MUS81: variants seen among roughly 807,000 people sequenced by gnomAD.
The protein encoded by MUS81 is structure-specific endonuclease subunit MUS81.
In MUS81, 69 loss-of-function variants were observed where a neutral mutation model predicts 74.2. The ratio of observed to expected loss-of-function variants is 0.93; its 90% CI spans 0.77 to 1.14. The LOEUF is 1.14. MUS81 is among the 50% of genes most tolerant of loss of function. The pLI is 0.00. For missense variants in MUS81, 711 were observed against 726.5 expected (o/e 0.98, Z 0.25); for synonymous variants, 303 against 300.6 (o/e 1.01, Z -0.08).
chr11:65,863,337 G>T, intron 7 of MUS81, 73 bp from the exon 8 acceptor site: 1 of 1,595,888 alleles, frequency 6.3e-7, no homozygotes, highest in South Asian at 1.1e-5. Context: ...GGTGGGTGTC[G>T]GGTGGCATGG....
Position 65,860,768 on chromosome 11 carries a change from C to T in MUS81, c.15C>T (p.Val5=), listed in dbSNP as rs749761660. The T allele has an allele frequency of 2.4e-5, 37 of 1,534,924 alleles. No individual in the cohort carries two copies. The East Asian group carries it at 8.6e-4, about 36-fold the overall frequency. The change falls in exon 1 of 16, where the codon GTC becomes GTT. Residue 5 remains valine, a synonymous_variant. Coordinates refer to ENST00000308110, the MANE Select transcript of MUS81 (RefSeq NM_025128.5). ...CCCTCGGGCTCATGGCGGCCCCGGT[C>T]CGCCTGGGCCGGAAGCGCCCGCTGC... MAAP[V]RLGRKRPLPA... is the part of the protein sequence containing the mutation.
At chr11:65,867,238 G>A, downstream of MUS81, 1 of 775,792 alleles carries the variant, frequency 1.3e-6, no homozygotes, top group Non-Finnish European at 2.1e-6. Flanking sequence ...CACCCTCGAT[G>A]TCTCTCCTCC....
chr11:65,865,445 A>G, intron 14 of MUS81, 122 bp downstream of exon 14: 1 of 1,048,104 alleles, frequency 9.5e-7, no homozygotes, highest in Non-Finnish European at 1.4e-6. Context: ...AGAGATAGAC[A>G]GATCCCAGGG....
chr11:65,864,924 T>C, intron 12 of MUS81, 93 bp from the exon 13 acceptor site: 1 of 1,584,016 alleles, frequency 6.3e-7, no homozygotes, highest in Non-Finnish European at 8.6e-7. Flanking sequence ...TCCCCATTTC[T>C]CAGGCTGGCC....
chr11:65,862,651 G>C, intron 6 of MUS81, 122 bp downstream of exon 6: 1 of 922,808 alleles, frequency 1.1e-6, no homozygotes, highest in Non-Finnish European at 1.7e-6. Flanking sequence ...CTTTCCTCAG[G>C]AGCCCCCACT....
In MUS81 at chr11:65,861,115, G is replaced by T; in HGVS notation, c.265+13G>T. 1 of 1,612,096 alleles carries T rather than the reference G, an allele frequency of 6.2e-7. No homozygotes were observed. The highest frequency in any genetic ancestry group is 8.5e-7 in the Non-Finnish European group (1 of 1,179,862). ...CGAACATCGGGCGGTGAGCGCCTCG[G>T]AAAGGGGTCGGTGATCCCCCACCTC... On this transcript the variant is annotated intron_variant, in intron 2 of 15. Coordinates refer to ENST00000308110, the MANE Select transcript of MUS81 (RefSeq NM_025128.5).
intron 6 of MUS81, 90 bp downstream of exon 6, chr11:65,862,619 G>A (rs1424022593): frequency 4.1e-6 from 5 of 1,233,186 alleles, no homozygotes; most frequent in Admixed American, 1.9e-5. Flanking sequence ...AGCTGATGCT[G>A]TTGAGATTGG....
chr11:65,864,462 C>CT, intron 10 of MUS81, 35 bp from the exon 11 acceptor site: 1 of 1,576,088 alleles, frequency 6.3e-7, no homozygotes, highest in Non-Finnish European at 8.7e-7. Flanking sequence ...GTCATCCAGC[C>CT]TGACCCTCCC....
intron 5 of MUS81, 46 bp downstream of exon 5, chr11:65,862,325 C>T (rs1298794574): frequency 5.0e-6 from 8 of 1,605,468 alleles, no homozygotes; most frequent in Admixed American, 1.7e-5. Flanking sequence ...GCTCTGGGGC[C>T]CACCAAAGAC....
chr11:65,863,844 C>T lies in MUS81; in HGVS notation c.1002C>T (p.Arg334=). The T allele has an allele frequency of 6.2e-7, 1 of 1,614,172 alleles. No individual in the cohort carries two copies. Among genetic ancestry groups the T allele is most frequent in the Non-Finnish European group, 8.5e-7 (1 of 1,180,024 alleles). ...TGGTACTGGATCACATTGTGGAGCGCAAGCGACTGGATGACCTTTGCAGCA... is the reference window on the plus strand; with the variant it reads ...TGGTACTGGATCACATTGTGGAGCGTAAGCGACTGGATGACCTTTGCAGCA... ...GELVLDHIVE[R]KRLDDLCSSI... Residue 334 remains arginine (R), a synonymous_variant, in exon 10 of 16, where the codon CGC becomes CGT. Coordinates refer to ENST00000308110, the MANE Select transcript of MUS81 (RefSeq NM_025128.5).
In MUS81 at chr11:65,863,778, C is replaced by T. The variant is rs769860105; in HGVS notation, c.962-26C>T. On this transcript the variant is annotated intron_variant, in intron 9 of 15. Coordinates refer to ENST00000308110, the MANE Select transcript of MUS81 (RefSeq NM_025128.5). The stretch of plus-strand genomic sequence containing the variant: ...GCAGGGCCTGGTGGGTAGGGGATCG[C>T]AAGCTAACGGCTGGCTTGTCAGCAG... 4 of 1,614,150 alleles carry T rather than the reference C, an allele frequency of 2.5e-6. No individual in the cohort carries two copies. The South Asian group carries it at 4.4e-5, about 18-fold the overall frequency.
rs772281103 is a variant in MUS81 at position 65,862,497 on chromosome 11, G to A, written c.573G>A (p.Arg191=). The A allele has an allele frequency of 3.1e-6, 5 of 1,613,748 alleles. No individual in the cohort carries two copies. The highest frequency in any genetic ancestry group is 1.7e-5 in the Admixed American group (1 of 60,026). ...PWPALRSLLH[R]NLVLRTHQPA... Reference sequence around the variant, plus strand: ...CAGCCCTCCGCTCCCTCCTTCACAGGAACCTGGTCCTCAGGACACACCAGC... The same window carrying A: ...CAGCCCTCCGCTCCCTCCTTCACAGAAACCTGGTCCTCAGGACACACCAGC... Residue 191 remains arginine, a synonymous_variant, in exon 6 of 16, where the codon AGG becomes AGA. Coordinates refer to ENST00000308110, the MANE Select transcript of MUS81 (RefSeq NM_025128.5).
Position 65,864,776 on chromosome 11 carries a change from C to T in MUS81, c.1233C>T (p.Tyr411=). ...RTADIKESAA[Y]LALLTRGLQR... ...CAGACATTAAGGAGTCAGCCGCCTA[C>T]CTGGCCCTCTTGACGCGGGGCCTGC... Residue 411 remains tyrosine, a synonymous_variant, in exon 12 of 16, where the codon TAC becomes TAT. Coordinates refer to ENST00000308110, the MANE Select transcript of MUS81 (RefSeq NM_025128.5). 3 of 1,613,944 alleles carry T rather than the reference C, an allele frequency of 1.9e-6. No homozygotes were observed. Among genetic ancestry groups the T allele is most frequent in the East Asian group, 4.5e-5 (2 of 44,882 alleles).
At chr11:65,861,842 C>A in intron 3 of MUS81, 105 bp from the exon 4 acceptor site, 2 of 866,174 alleles carry the variant, frequency 2.3e-6, no homozygotes, top group Non-Finnish European at 3.6e-6. Context: ...GAGAAGGAAA[C>A]TGAGAGACAA....
Position 65,862,462 on chromosome 11 carries a change from C to T in MUS81, c.538C>T (p.Arg180Ter), listed in dbSNP as rs139123311. ...TCCACAGGTAGCCCCTGGGAGTGCT[C>T]GACCCTGGCCAGCCCTCCGCTCCCT... ...KSPRVAPGSARPWPALRSLLH... is the reference protein window; with the variant it reads ...KSPRVAPGSA The change falls in exon 6 of 16, where the codon CGA (arginine) becomes TGA (stop). Residue 180 changes from arginine to a stop codon, truncating the protein, a stop_gained. Transcript: ENST00000308110. LOFTEE classifies it high-confidence loss of function. 60 of 1,613,720 alleles carry T rather than the reference C, an allele frequency of 3.7e-5. No homozygotes were observed. In the African/African-American group the frequency reaches 6.3e-4, roughly 17 times the overall value.
chr11:65,865,358 C>G, intron 14 of MUS81, 35 bp downstream of exon 14: 1 of 1,586,478 alleles, frequency 6.3e-7, no homozygotes, highest in African/African-American at 1.3e-5. Context: ...GTCCTCAGCC[C>G]CTGCCCTCCA....
chr11:65,866,689 T>A (rs1184498676), downstream of MUS81: 1 of 708,026 alleles, frequency 1.4e-6, no homozygotes, highest in Admixed American at 2.0e-5. Flanking sequence ...AGCTCCCAGC[T>A]CCTGTCAATG....
At chr11:65,864,846 A>T (rs745575112) in intron 12 of MUS81, 31 bp downstream of exon 12, 60 of 1,601,120 alleles carry the variant, frequency 3.7e-5, no homozygotes, top group Non-Finnish European at 4.7e-5. Context: ...CAGTGTCGGG[A>T]CAGAGCCCAC....
At chr11:65,865,537 C>T (rs1033868958) in intron 14 of MUS81, 29 of 632,182 alleles carry the variant, frequency 4.6e-5, no homozygotes, top group East Asian at 1.9e-4. Flanking sequence ...GGGAGGGAGA[C>T]GTCCCACCTG....
Sources: allele counts gnomAD v4.1 joint callset, GRCh38; gene constraint gnomAD v4.1.1; transcripts MANE v1.5; gene names NCBI Gene and HGNC (gene_info 2026-07-23, HGNC 2026-07-21).